The following PTCHD4 variants were observed in gnomAD, a reference collection of about 807,000 sequenced individuals.
PTCHD4 encodes patched domain-containing protein 4.
A neutral mutation model predicts 58.1 loss-of-function variants in PTCHD4; 33 were observed. The observed-to-expected ratio is 0.57, with a 90% CI of 0.43 to 0.76. The LOEUF (loss-of-function observed/expected upper bound fraction) is 0.76. Ranked by LOEUF, PTCHD4 falls within the 30% of genes least tolerant of loss-of-function variation. The pLI, the probability that PTCHD4 is intolerant of heterozygous loss-of-function variation, is 0.00. For synonymous variants in PTCHD4, 478 were observed against 409.6 expected (o/e 1.17, Z -2.02); for missense variants, 1,058 against 1,027.1 (o/e 1.03, Z -0.41).
chr6:48,054,726 T>C (rs1167042913), intron 3 of PTCHD4, among the ~76,000 whole-genome samples: 1 of 152,018 alleles, frequency 6.6e-6, no homozygotes, highest in Non-Finnish European at 1.5e-5. Context: ...TAAAAATAAA[T>C]AGGATAAAAA....
rs572433072 is a variant in PTCHD4, at chr6:47,951,030, GA to G, written c.898+57603del. ...AAGCTTAATTGGAGTGAGTTCAAAAGAAAAAAATCAAGGATTTTGCAATAAA... is the reference window on the plus strand; with the variant it reads ...AAGCTTAATTGGAGTGAGTTCAAAAGAAAAAATCAAGGATTTTGCAATAAA... On this transcript the variant is annotated intron_variant, in intron 4 of 4. Transcript: ENST00000339488. Among the ~76,000 whole-genome samples, 78 of 152,076 alleles carry G rather than the reference GA, an allele frequency of 5.1e-4. 2 individuals carry two copies. The highest frequency in any genetic ancestry group is 1.8e-3 in the African/African-American group (74 of 41,530).
chr6:48,005,794 G>A (rs558457212), intron 4 of PTCHD4, among the ~76,000 whole-genome samples: 1 of 152,238 alleles, frequency 6.6e-6, no homozygotes, highest in East Asian at 1.9e-4. Context: ...GAAACAAATT[G>A]TATTTTGAAA....
At chr6:47,971,574 C>A (rs765325094) in intron 4 of PTCHD4, among the ~76,000 whole-genome samples, 1 of 152,108 alleles carries the variant, frequency 6.6e-6, no homozygotes, top group Non-Finnish European at 1.5e-5. Context: ...TGGGTAAATG[C>A]CTCCAAATTT....
intron 4 of PTCHD4, among the ~76,000 whole-genome samples, chr6:47,919,489 A>G (rs1419234692): frequency 6.6e-6 from 1 of 152,226 alleles, no homozygotes; most frequent in East Asian, 1.9e-4. Context: ...GGCAATTAGG[A>G]AATCAGAATG....
chr6:47,978,238 ATTCT>A (rs1390244025), intron 4 of PTCHD4, among the ~76,000 whole-genome samples: 1 of 151,414 alleles, frequency 6.6e-6, no homozygotes, highest in African/African-American at 2.4e-5. Flanking sequence ...TGTCCTTCTG[ATTCT>A]TTCCATTTCT....
intron 4 of PTCHD4, among the ~76,000 whole-genome samples, chr6:47,957,019 G>A (rs1377969908): frequency 2.0e-5 from 3 of 151,356 alleles, no homozygotes; most frequent in Non-Finnish European, 4.4e-5. Flanking sequence ...CAAAAATTAG[G>A]TGGGTTTGGT....
At chr6:47,903,129 GTAT>G (rs1294056120) in intron 4 of PTCHD4, among the ~76,000 whole-genome samples, 1 of 152,142 alleles carries the variant, frequency 6.6e-6, no homozygotes, top group East Asian at 1.9e-4. Flanking sequence ...CAACTCTGAA[GTAT>G]TCTTAATTTG....
chr6:48,036,726 G>A (rs1010946871), intron 3 of PTCHD4, among the ~76,000 whole-genome samples: 8 of 152,104 alleles, frequency 5.3e-5, no homozygotes, highest in Admixed American at 4.6e-4. Flanking sequence ...AAGACAATAG[G>A]TGAAAGTTGT....
chr6:48,079,494 A>G (rs879330138), intron 1 of PTCHD4, among the ~76,000 whole-genome samples: 1 of 151,996 alleles, frequency 6.6e-6, no homozygotes, highest in Non-Finnish European at 1.5e-5. Context: ...TGTAAAGAAA[A>G]CAACAATAGA....
chr6:48,001,577 T>C (rs978986949), intron 4 of PTCHD4, among the ~76,000 whole-genome samples: 1 of 152,150 alleles, frequency 6.6e-6, no homozygotes, highest in African/African-American at 2.4e-5. Flanking sequence ...TGAAAGTGGA[T>C]CCCTTCCTTA....
intron 1 of PTCHD4, among the ~76,000 whole-genome samples, chr6:48,086,047 AAT>A (rs936409099): frequency 2.6e-5 from 4 of 152,174 alleles, no homozygotes; most frequent in African/African-American, 9.7e-5. Flanking sequence ...GTGGTACAGC[AAT>A]ATTCACAGCA....
At chr6:47,939,220 A>T (rs901088432) in intron 4 of PTCHD4, among the ~76,000 whole-genome samples, 1 of 152,210 alleles carries the variant, frequency 6.6e-6, no homozygotes, top group South Asian at 2.1e-4. Flanking sequence ...CCTAACTTTA[A>T]CTGAATCAAA....
intron 3 of PTCHD4, among the ~76,000 whole-genome samples, chr6:48,028,880 G>A (rs1763340095): frequency 6.6e-6 from 1 of 151,838 alleles, no homozygotes. Context: ...TTCTCAGGTG[G>A]CCCCCAGAAA....
intron 4 of PTCHD4, among the ~76,000 whole-genome samples, chr6:47,985,317 T>C (rs1419776293): frequency 6.6e-5 from 10 of 152,038 alleles, no homozygotes; most frequent in Non-Finnish European, 1.3e-4. Flanking sequence ...AACTGATAAG[T>C]GGTACAAGGA....
intron 4 of PTCHD4, among the ~76,000 whole-genome samples, chr6:47,908,334 C>T (rs997921195): frequency 1.3e-5 from 2 of 152,116 alleles, no homozygotes; most frequent in African/African-American, 4.8e-5. Context: ...TCTCAGTCTG[C>T]CCCTCACCCT....
intron 1 of PTCHD4, among the ~76,000 whole-genome samples, chr6:48,080,499 T>C (rs1582120299): frequency 6.6e-6 from 1 of 152,356 alleles, no homozygotes; most frequent in East Asian, 1.9e-4. Flanking sequence ...TAGTCTTTAT[T>C]CTATTGTATT....
chr6:48,043,590 A>G (rs541363279), intron 3 of PTCHD4, among the ~76,000 whole-genome samples: 1 of 151,942 alleles, frequency 6.6e-6, no homozygotes, highest in East Asian at 1.9e-4. Flanking sequence ...TTTCTTTGTA[A>G]CAGCAAAGCA....
intron 3 of PTCHD4, among the ~76,000 whole-genome samples, chr6:48,017,156 C>T (rs1470342468): frequency 6.6e-6 from 1 of 151,860 alleles, no homozygotes; most frequent in East Asian, 1.9e-4. Flanking sequence ...ACTTATATAT[C>T]TTTGTTTTAT....
chr6:48,106,854 G>A (rs879293074), intron 1 of PTCHD4, among the ~76,000 whole-genome samples: 11 of 152,078 alleles, frequency 7.2e-5, no homozygotes, highest in Non-Finnish European at 1.5e-4. Flanking sequence ...ATTCACAATT[G>A]CTTCAAAAGA....
Sources: gnomAD v4.1 joint callset for allele counts (sites outside exome capture counted in the v4.1 genomes callset) on GRCh38, gnomAD v4.1.1 for gene constraint, MANE v1.5 for transcripts, NCBI Gene and HGNC (gene_info 2026-07-23, HGNC 2026-07-21) for gene names.